Variants in ANKAR observed in about 807,000 individuals in gnomAD.
The protein encoded by ANKAR is ankyrin and armadillo repeat containing, also known as ankyrin and armadillo repeat-containing protein.
A neutral mutation model predicts 146.2 loss-of-function variants in ANKAR; 136 were observed. That is an observed-to-expected ratio of 0.93 (90% CI 0.81 to 1.07). The LOEUF (loss-of-function observed/expected upper bound fraction) is 1.07, where lower values mean the gene tolerates loss of function less well. Ranked by LOEUF, ANKAR falls within the 50% of genes least tolerant of loss-of-function variation. The pLI, the probability that ANKAR is intolerant of heterozygous loss-of-function variation, is 0.00. For synonymous variants in ANKAR, 500 were observed against 575.8 expected, an observed-to-expected ratio of 0.87 and a Z score of 1.88; for missense variants, 1,567 against 1,679.9, an observed-to-expected ratio of 0.93 and a Z score of 1.18.
intron 2 of ANKAR, among the ~76,000 whole-genome samples, chr2:189,686,707 TC>T (rs1281598611): frequency 6.6e-6 from 1 of 152,226 alleles, no homozygotes; most frequent in Non-Finnish European, 1.5e-5. Context: ...TTATATTGTA[TC>T]TGTATTCACT....
At chr2:189,713,054 C>G (rs187038366) in intron 10 of ANKAR, among the ~76,000 whole-genome samples, 2 of 150,688 alleles carry the variant, frequency 1.3e-5, no homozygotes, top group Admixed American at 1.3e-4. Context: ...TGAAATAAAG[C>G]GAGAAGTTTA....
intron 7 of ANKAR, among the ~76,000 whole-genome samples, chr2:189,697,561 T>A (rs1254079990): frequency 1.3e-5 from 2 of 152,196 alleles, no homozygotes; most frequent in Non-Finnish European, 2.9e-5. Flanking sequence ...TTCAGATTCT[T>A]CTGTTACTGA....
In ANKAR at chr2:189,679,820, G is replaced by A. The variant is rs554971407; in HGVS notation, c.601+2729G>A. 1.1e-4 allele frequency among the ~76,000 whole-genome samples: 17 copies of A among 152,208 alleles called. 1 individual carries two copies. The East Asian group carries it at 1.5e-3, about 14-fold the overall frequency. ...GGCACGAAACCCACTTGATCATGGC[G>A]TATTATCTTTCTGATATGCTGTCAG... On this transcript the variant is annotated intron_variant, in intron 2 of 22. Transcript: ENST00000684021.
chr2:189,752,830 C>T (rs745578409), intron 18 of ANKAR: 5 of 1,613,326 alleles, frequency 3.1e-6, no homozygotes, highest in Admixed American at 1.7e-5. Context: ...GAGTGAAGCA[C>T]GTATATCCTG....
intron 7 of ANKAR, among the ~76,000 whole-genome samples, chr2:189,701,233 A>C (rs1212284207): frequency 6.7e-6 from 1 of 149,302 alleles, no homozygotes; most frequent in Non-Finnish European, 1.5e-5. Context: ...AGACTTTTTA[A>C]TTTATTTTTA....
Position 189,744,796 on chromosome 2 carries a change from ATTTTTCT to A in ANKAR, c.4057+12_4057+18del, listed in dbSNP as rs769684388. 19 of 1,571,142 alleles carry A rather than the reference ATTTTTCT, an allele frequency of 1.2e-5. No homozygotes were observed. Among genetic ancestry groups the A allele is most frequent in the Non-Finnish European group, 1.5e-5 (17 of 1,144,082 alleles). On this transcript the variant is annotated intron_variant, in intron 22 of 22. Transcript: ENST00000684021. The stretch of plus-strand genomic sequence containing the variant: ...TTCCTATCTTTAAAAGAGGTAATTG[ATTTTTCT>A]TTTATCTATGAAGTACCTTCTAGCC...
intron 12 of ANKAR, among the ~76,000 whole-genome samples, chr2:189,722,596 T>C (rs367869889): frequency 2.2e-4 from 33 of 151,946 alleles, no homozygotes; most frequent in African/African-American, 7.2e-4. Flanking sequence ...GAAAGAAAAC[T>C]ATAGCACCGG....
chr2:189,742,902 CCTGACACACACACACACACACA>C (rs1325813743), intron 20 of ANKAR, among the ~76,000 whole-genome samples: 2 of 22,190 alleles, frequency 9.0e-5, no homozygotes, highest in African/African-American at 1.4e-4. Flanking sequence ...ACTAGAATTA[CCTGACACACACACACACACACA>C]CACACACACA....
At chr2:189,759,665 C>T (rs2046682359) in intron 18 of ANKAR, among the ~76,000 whole-genome samples, 1 of 152,134 alleles carries the variant, frequency 6.6e-6, no homozygotes, top group South Asian at 2.1e-4. Flanking sequence ...ACTGTGATTC[C>T]AAAATACCAG....
At chr2:189,716,299 A>T (rs1210560208) in intron 10 of ANKAR, among the ~76,000 whole-genome samples, 2 of 152,156 alleles carry the variant, frequency 1.3e-5, no homozygotes, top group Non-Finnish European at 2.9e-5. Context: ...CCAATAATAG[A>T]CAAACAGAGA....
Position 189,730,532 on chromosome 2 carries a change from G to C in ANKAR, c.3231G>C (p.Leu1077Phe), listed in dbSNP as rs1225090. The change falls in exon 16 of 23, where the codon TTG becomes TTC. Residue 1077 changes from leucine to phenylalanine, a missense_variant. Coordinates refer to ENST00000684021, the MANE Select transcript of ANKAR (RefSeq NM_001378068.1). ...CAAGCAATCCTGTCAGTCAACAATTGGTTGTAGATGAAAATGCCTTTCCAG... is the reference window on the plus strand; with the variant it reads ...CAAGCAATCCTGTCAGTCAACAATTCGTTGTAGATGAAAATGCCTTTCCAG... ...AHTSNPVSQQ[L>F]VVDENAFPVL... is the part of the protein sequence containing the mutation. 2.5e-6 allele frequency: 4 copies of C among 1,605,220 alleles called. No homozygotes were observed. Among genetic ancestry groups the C allele is most frequent in the East Asian group, 2.3e-5 (1 of 44,198 alleles).
At chr2:189,750,985 A>G (rs1381701805), downstream of ANKAR, among the ~76,000 whole-genome samples, 1 of 152,252 alleles carries the variant, frequency 6.6e-6, no homozygotes, top group Non-Finnish European at 1.5e-5. Flanking sequence ...TAAAAAGGTA[A>G]AAACATTTTT....
At chr2:189,677,150 T>C in intron 2 of ANKAR, 59 bp downstream of exon 2, 1 of 1,420,420 alleles carries the variant, frequency 7.0e-7, no homozygotes, top group Non-Finnish European at 9.2e-7. Context: ...AGAGTCTTAC[T>C]ACGTCACCCA....
At chr2:189,761,930 A>G (rs1182062643), downstream of ANKAR, among the ~76,000 whole-genome samples, 1 of 152,212 alleles carries the variant, frequency 6.6e-6, no homozygotes, top group Non-Finnish European at 1.5e-5. Context: ...CAGCTAATAT[A>G]AAGTACAATA....
At position 189,695,016 on chromosome 2, in the gene ANKAR, A is replaced by G. The variant is rs767384825; in HGVS notation, c.1343A>G (p.Tyr448Cys). 6.4e-6 allele frequency: 10 copies of G among 1,560,784 alleles called. No individual in the cohort carries two copies. The Admixed American group carries it at 7.4e-5, about 12-fold the overall frequency. ...YVIYFELETF[Y>C]QQLYKTQWWG... is the part of the protein sequence containing the mutation. ...ATCTATTTTGAACTAGAAACTTTCT[A>G]TCAGCAACTATATAAGACACAGTGG... Residue 448 changes from tyrosine (Y) to cysteine (C), a missense_variant, in exon 6 of 23, where the codon TAT becomes TGT. Physicochemically the swap from Tyr to Cys is radical, Grantham distance 194 (BLOSUM62 -2). Transcript: ENST00000684021.
In ANKAR at chr2:189,746,365, G is replaced by C; in HGVS notation, c.4058-15G>C. On this transcript the variant is annotated splice_polypyrimidine_tract_variant and intron_variant, in intron 22 of 22. Coordinates refer to ENST00000684021, the MANE Select transcript of ANKAR (RefSeq NM_001378068.1). ...GGGCTCTCAGGAGAGACATTTAATT[G>C]TGGCTAATTTTTAGGGAAGGAGCAC... The C allele has an allele frequency of 6.3e-7, 1 of 1,593,352 alleles. No homozygotes were observed. The highest frequency in any genetic ancestry group is 8.5e-7 in the Non-Finnish European group (1 of 1,173,384).
At position 189,680,122 on chromosome 2, in the gene ANKAR, A is replaced by G. The variant is rs114113867; in HGVS notation, c.601+3031A>G. On this transcript the variant is annotated intron_variant, in intron 2 of 22. Coordinates refer to ENST00000684021, the MANE Select transcript of ANKAR (RefSeq NM_001378068.1). Reference sequence around the variant, plus strand: ...AATTTTTTATTGTTTCAAGCTCTCTACTTGTTATTGGTCTGTTCAGAGTTT... The same window carrying G: ...AATTTTTTATTGTTTCAAGCTCTCTGCTTGTTATTGGTCTGTTCAGAGTTT... Among the ~76,000 whole-genome samples, 991 of 152,000 alleles carry G rather than the reference A, an allele frequency of 6.5e-3. 4 individuals are homozygous for G. Among genetic ancestry groups the G allele is most frequent in the Non-Finnish European group, 9.9e-3 (673 of 67,938 alleles).
At position 189,740,578 on chromosome 2, in the gene ANKAR, ATTTACT is replaced by A. The variant is rs574418243; in HGVS notation, c.3701-759_3701-754del. ...ACTTTATTATTTTAAATCTGAAAAC[ATTTACT>A]TTTATGTAAAAACTTCAGTGATTTT... On this transcript the variant is annotated intron_variant, in intron 19 of 22. Transcript: ENST00000684021. 1.8e-3 allele frequency among the ~76,000 whole-genome samples: 274 copies of A among 152,286 alleles called. 2 individuals carry two copies. Among genetic ancestry groups the A allele is most frequent in the Admixed American group, 8.4e-3 (128 of 15,302 alleles).
intron 1 of ANKAR, among the ~76,000 whole-genome samples, chr2:189,675,637 T>G (rs2033484137): frequency 1.3e-5 from 2 of 152,182 alleles, no homozygotes; most frequent in Non-Finnish European, 2.9e-5. Context: ...CATGAGCCAC[T>G]GCGCCCCACC....
Sources: allele counts gnomAD v4.1 joint callset (sites outside exome capture counted in the v4.1 genomes callset), GRCh38; gene constraint gnomAD v4.1.1; transcripts MANE v1.5; gene names NCBI Gene and HGNC (gene_info 2026-07-23, HGNC 2026-07-21).